The following ACADSB variants were observed in gnomAD, a reference collection of about 807,000 sequenced individuals.
ACADSB encodes the protein acyl-CoA dehydrogenase short/branched chain.
ACADSB carries 40 observed loss-of-function variants against 54.1 expected under a neutral mutation model. The ratio of observed to expected loss-of-function variants is 0.74; its 90% CI spans 0.57 to 0.96. ACADSB has a LOEUF of 0.96. Ranked by LOEUF, ACADSB falls within the 40% of genes least tolerant of loss-of-function variation. ACADSB has a pLI of 0.00. For synonymous variants in ACADSB, 182 were observed against 182.8 expected (o/e 1.00, Z 0.03); for missense variants, 530 against 510.4 (o/e 1.04, Z -0.37).
rs1850682584 is a variant in ACADSB, at chr10:123,054,721, G to A, written c.*956G>A. On this transcript the variant is annotated 3_prime_UTR_variant, in exon 11 of 11. Coordinates refer to ENST00000358776, the MANE Select transcript of ACADSB (RefSeq NM_001609.4). ...GATACATTTTATGGTGGTTTCAGTA[G>A]GTCATTTTAAAAACCAATGTGCATT... 6.6e-6 allele frequency: 1 copy of A among 152,124 alleles called. No homozygotes were observed. Among genetic ancestry groups the A allele is most frequent in the Non-Finnish European group, 1.5e-5 (1 of 68,006 alleles). 9.4% of individuals were successfully genotyped at this position (152,124 alleles called of 1,614,324 possible).
At chr10:123,042,998 G>A (rs1389738448) in intron 5 of ACADSB, 48 bp from the exon 6 acceptor site, 12 of 1,602,312 alleles carry the variant, frequency 7.5e-6, no homozygotes, top group Non-Finnish European at 1.0e-5. Flanking sequence ...CAGAAACAAG[G>A]CGTTTTATAA....
chr10:123,027,438 C>T (rs938373948), intron 1 of ACADSB: 4 of 413,678 alleles, frequency 9.7e-6, no homozygotes, highest in Admixed American at 2.5e-5. Context: ...CAGTATTTCC[C>T]GTGCTATTCT....
At chr10:123,051,328 CT>C in intron 9 of ACADSB, 142 bp downstream of exon 9, 1 of 1,134,782 alleles carries the variant, frequency 8.8e-7, no homozygotes. Flanking sequence ...ACTTTTATTT[CT>C]TATAATAGAA....
At chr10:123,027,704 G>A in intron 1 of ACADSB, 2 of 322,766 alleles carry the variant, frequency 6.2e-6, no homozygotes, top group Non-Finnish European at 6.4e-6. Flanking sequence ...CCCATACAAC[G>A]GGTGTGTATG....
intron 10 of ACADSB, 114 bp downstream of exon 10, chr10:123,053,274 T>C: frequency 2.4e-6 from 2 of 835,720 alleles, no homozygotes; most frequent in African/African-American, 3.4e-5. Flanking sequence ...ATTTCTTCAG[T>C]ATATGTTTGG....
rs188899879 is a variant in ACADSB at position 123,048,877 on chromosome 10, C to T, written c.990+1579C>T. On this transcript the variant is annotated intron_variant, in intron 8 of 10. Transcript: ENST00000358776. ...CTGAGTAGCTGGGACTACAGGCACC[C>T]GCCACCACGCCCAGCTAATTTTTTG... is the stretch of plus-strand genomic sequence containing the variant. Among the ~76,000 whole-genome samples the T allele has an allele frequency of 2.1e-3, 317 of 152,176 alleles. 1 individual carries two copies. The highest frequency in any genetic ancestry group is 7.3e-3 in the African/African-American group (304 of 41,544).
intron 7 of ACADSB, 71 bp downstream of exon 7, chr10:123,044,556 C>A: frequency 8.2e-7 from 1 of 1,224,328 alleles, no homozygotes; most frequent in Non-Finnish European, 1.2e-6. Context: ...GCAATGAGAC[C>A]AATGAATATT....
intron 4 of ACADSB, 126 bp from the exon 5 acceptor site, chr10:123,041,083 T>C: frequency 9.3e-7 from 1 of 1,080,120 alleles, no homozygotes; most frequent in Non-Finnish European, 1.4e-6. Context: ...GCTATTTTCA[T>C]AAATATAGGC....
intron 5 of ACADSB, among the ~76,000 whole-genome samples, chr10:123,041,966 CTTTTTT>C (rs373340179): frequency 6.0e-5 from 8 of 132,698 alleles, no homozygotes; most frequent in African/African-American, 1.7e-4. Context: ...TTTTTCTTTT[CTTTTTT>C]TTTTTTTTTT....
chr10:123,011,527 C>CTTT (rs35312878), intron 1 of ACADSB, among the ~76,000 whole-genome samples: 5 of 139,384 alleles, frequency 3.6e-5, no homozygotes, highest in African/African-American at 2.7e-5. Flanking sequence ...AGCTTGATAT[C>CTTT]TTTTTTTTTT....
rs1850729640 is a variant in ACADSB at position 123,057,989 on chromosome 10, T to C, written c.*4224T>C. ...TGGTAAAGAATGAACATTTCAGAAG[T>C]GTTAGGATTAGTCAGTGTCATCGCT... On this transcript the variant is annotated 3_prime_UTR_variant, in exon 11 of 11. Transcript: ENST00000358776. 1.3e-5 allele frequency: 2 copies of C among 151,294 alleles called. No individual in the cohort carries two copies. Among genetic ancestry groups the C allele is most frequent in the Non-Finnish European group, 2.9e-5 (2 of 68,034 alleles). The allele number at this position is 151,294 out of a possible 1,614,324, so 9.4% of individuals were successfully genotyped here. A position where few individuals can be genotyped will look rare whatever the true frequency, so the allele number is the denominator to read the frequency against.
intron 1 of ACADSB, among the ~76,000 whole-genome samples, chr10:123,033,529 G>A (rs4980173): frequency 0.17 from 25,759 of 152,150 alleles, 2,399 homozygotes; most frequent in Middle Eastern, 0.27. Context: ...GATCGTTACT[G>A]CTGCTGTTTC....
At chr10:123,009,130 G>T in intron 1 of ACADSB, 59 bp downstream of exon 1, 1 of 1,517,968 alleles carries the variant, frequency 6.6e-7, no homozygotes, top group South Asian at 1.2e-5. Context: ...CCCTGGAATC[G>T]CAGCTGGCAG....
intron 1 of ACADSB, among the ~76,000 whole-genome samples, chr10:123,014,620 G>A (rs1332750349): frequency 6.6e-6 from 1 of 152,168 alleles, no homozygotes; most frequent in Admixed American, 6.5e-5. Flanking sequence ...TTTACAACAG[G>A]GTTCTTGACA....
At position 123,051,131 on chromosome 10, in the gene ACADSB, A is replaced by C; in HGVS notation, c.1073A>C (p.Glu358Ala). The stretch of plus-strand genomic sequence containing the variant: ...ACATACAATGCTGCTAGGCTTTTAG[A>C]AGCTGGAAAGCCATTCATAAAAGAA... ...LLTYNAARLL[E>A]AGKPFIKEAS... is the part of the protein sequence containing the mutation. Residue 358 changes from glutamate to alanine, a missense_variant, in exon 9 of 11, where the codon GAA becomes GCA. Coordinates refer to ENST00000358776, the MANE Select transcript of ACADSB (RefSeq NM_001609.4). The C allele has an allele frequency of 6.2e-7, 1 of 1,600,354 alleles. No individual in the cohort carries two copies. Among genetic ancestry groups the C allele is most frequent in the Non-Finnish European group, 8.5e-7 (1 of 1,172,270 alleles).
chr10:123,020,007 T>A (rs1483645061), intron 1 of ACADSB, among the ~76,000 whole-genome samples: 3 of 152,076 alleles, frequency 2.0e-5, no homozygotes, highest in Non-Finnish European at 2.9e-5. Context: ...AGGAAAAAAA[T>A]TTTCATCCAC....
intron 3 of ACADSB, among the ~76,000 whole-genome samples, chr10:123,038,147 A>G (rs141533809): frequency 1.3e-5 from 2 of 152,332 alleles, no homozygotes; most frequent in East Asian, 3.9e-4. Context: ...GGCAACGTCT[A>G]GGGACATCTT....
At chr10:123,012,827 A>G (rs1850055686) in intron 1 of ACADSB, among the ~76,000 whole-genome samples, 1 of 152,164 alleles carries the variant, frequency 6.6e-6, no homozygotes, top group Non-Finnish European at 1.5e-5. Flanking sequence ...ACAGTGTGGA[A>G]GGGGACCCGA....
intron 1 of ACADSB, among the ~76,000 whole-genome samples, chr10:123,025,545 C>T (rs1221257345): frequency 6.6e-6 from 1 of 152,090 alleles, no homozygotes; most frequent in Non-Finnish European, 1.5e-5. Context: ...AGTCAAAAGA[C>T]AAATCACAAA....
Sources: gnomAD v4.1 joint callset for allele counts (sites outside exome capture counted in the v4.1 genomes callset) on GRCh38, gnomAD v4.1.1 for gene constraint, MANE v1.5 for transcripts, NCBI Gene and HGNC (gene_info 2026-07-23, HGNC 2026-07-21) for gene names.